PGM3: variants seen among roughly 807,000 people sequenced by gnomAD.
The protein encoded by PGM3 is phosphoacetylglucosamine mutase.
A neutral mutation model predicts 66.2 loss-of-function variants in PGM3; 40 were observed. The observed-to-expected ratio is 0.60, with a 90% CI of 0.47 to 0.79. The LOEUF (loss-of-function observed/expected upper bound fraction) is 0.79, where lower values mean the gene tolerates loss of function less well. Among genes scored for constraint, PGM3 ranks in the 30% least tolerant of loss-of-function variants. The pLI, the probability that PGM3 is intolerant of heterozygous loss-of-function variation, is 0.00. For synonymous variants in PGM3, 191 were observed against 224.2 expected, an observed-to-expected ratio of 0.85 and a Z score of 1.32; for missense variants, 537 against 643.4, an observed-to-expected ratio of 0.83 and a Z score of 1.79.
At position 83,179,802 on chromosome 6, in the gene PGM3, C is replaced by G; in HGVS notation, c.945+8G>C. The G allele has an allele frequency of 4.4e-6, 7 of 1,604,358 alleles. No homozygotes were observed. Among genetic ancestry groups the G allele is most frequent in the Admixed American group, 1.7e-5 (1 of 59,012 alleles). ...TGTTTTAGAGGGTAGCCAATCCCCCCACCATACCTCCACCAGGAGCTCTTT... is the reference window on the plus strand; with the variant it reads ...TGTTTTAGAGGGTAGCCAATCCCCCGACCATACCTCCACCAGGAGCTCTTT... On this transcript the variant is annotated splice_region_variant and intron_variant, in intron 7 of 12. Coordinates refer to ENST00000513973, the MANE Select transcript of PGM3 (RefSeq NM_015599.3).
At chr6:83,162,733 A>G (rs958419946), downstream of PGM3, 6 of 1,542,944 alleles carry the variant, frequency 3.9e-6, no homozygotes, top group Non-Finnish European at 5.2e-6. Context: ...ATGTGGCCTA[A>G]TCTTAGATGG....
At chr6:83,180,671 C>T (rs145194071) in intron 6 of PGM3, among the ~76,000 whole-genome samples, 183 of 152,228 alleles carry the variant, frequency 1.2e-3, no homozygotes, top group Non-Finnish European at 2.0e-3. Context: ...ATACTGTAGT[C>T]CCAAAGCCTA....
chr6:83,152,399 A>G, the PGM3 span: 1 of 1,005,932 alleles, frequency 9.9e-7, no homozygotes, highest in Non-Finnish European at 1.4e-6. Flanking sequence ...ATGAACTCTC[A>G]AGTAGACTGT....
chr6:83,157,374 G>A, downstream of PGM3: 1 of 1,553,796 alleles, frequency 6.4e-7, no homozygotes, highest in Non-Finnish European at 8.9e-7. Flanking sequence ...ACAGTGATTA[G>A]TTTCCATGTG....
At chr6:83,151,692 T>A in the PGM3 span, 1 of 1,567,570 alleles carries the variant, frequency 6.4e-7, no homozygotes. Context: ...GCCAAAACTG[T>A]TTCTCAGTGC....
chr6:83,155,461 C>A, the PGM3 span, among the ~76,000 whole-genome samples: 1 of 151,964 alleles, frequency 6.6e-6, no homozygotes, highest in Non-Finnish European at 1.5e-5. Context: ...GATACCATCT[C>A]AAAGAAAAAT....
intron 8 of PGM3, among the ~76,000 whole-genome samples, chr6:83,177,672 C>G (rs923453411): frequency 2.6e-5 from 4 of 152,168 alleles, no homozygotes; most frequent in Non-Finnish European, 5.9e-5. Context: ...CCTGACTAGG[C>G]CTTGTCCTTA....
At chr6:83,163,018 A>G, downstream of PGM3, 1 of 1,360,582 alleles carries the variant, frequency 7.3e-7, no homozygotes, top group South Asian at 1.7e-5. Flanking sequence ...AACGTTATCA[A>G]GTTGAGCTAT....
intron 6 of PGM3, among the ~76,000 whole-genome samples, chr6:83,180,963 TAAAGA>T (rs1307616732): frequency 6.6e-6 from 1 of 152,174 alleles, no homozygotes; most frequent in African/African-American, 2.4e-5. Context: ...CTGATTTTGG[TAAAGA>T]GATGCTAGAG....
At chr6:83,179,388 G>A (rs1260061772) in intron 7 of PGM3, among the ~76,000 whole-genome samples, 2 of 151,136 alleles carry the variant, frequency 1.3e-5, no homozygotes, top group Admixed American at 6.6e-5. Flanking sequence ...ATTACATTGT[G>A]TACTTAAAGC....
chr6:83,179,913 C>T lies in PGM3; in HGVS notation c.842G>A (p.Arg281Lys), dbSNP rs1788052636. 3.1e-6 allele frequency: 5 copies of T among 1,611,996 alleles called. No individual in the cohort carries two copies. In the Admixed American group the frequency reaches 5.0e-5, roughly 16 times the overall value. ...RCCSFDGDADRIVYYYHDADG... is the reference protein window; with the variant it reads ...RCCSFDGDADKIVYYYHDADG... ...TGCATCATGGTAGTAATAAACAATT[C>T]TGTCTGCATCTCCATCAAAAGAACA... Residue 281 changes from arginine (R) to lysine (K), a missense_variant, in exon 7 of 13, where the codon AGA (arginine) becomes AAA (lysine). Arg to Lys is a conservative substitution (Grantham distance 26). Transcript: ENST00000513973.
chr6:83,187,989 G>A (rs1278231680), intron 3 of PGM3, among the ~76,000 whole-genome samples: 2 of 151,870 alleles, frequency 1.3e-5, no homozygotes, highest in African/African-American at 2.4e-5. Flanking sequence ...TACAACAGAG[G>A]GTAAAAAAAC....
intron 10 of PGM3, 29 bp downstream of exon 10, chr6:83,174,345 C>T: frequency 1.8e-6 from 2 of 1,135,232 alleles, no homozygotes; most frequent in African/African-American, 1.5e-5. Context: ...TAAAGGTAAC[C>T]AAGAGTCCAC....
intron 3 of PGM3, among the ~76,000 whole-genome samples, chr6:83,187,798 G>A (rs780366231): frequency 2.0e-5 from 3 of 151,788 alleles, no homozygotes; most frequent in Non-Finnish European, 4.4e-5. Flanking sequence ...GCGAGACTCC[G>A]TATCAAAAAA....
At position 83,185,567 on chromosome 6, in the gene PGM3, G is replaced by A. The variant is rs140235056; in HGVS notation, c.457+1441C>T. ...TCACGAGGTCAGGAGATTGAGACCA[G>A]TCTGGCCAACATGATGAAACGCCAT... On this transcript the variant is annotated intron_variant, in intron 4 of 12. Transcript: ENST00000513973. Among the ~76,000 whole-genome samples the A allele has an allele frequency of 8.0e-3, 1,211 of 152,222 alleles. 8 individuals carry two copies. The highest frequency in any genetic ancestry group is 0.028 in the African/African-American group (1,171 of 41,516).
At chr6:83,164,550 T>G (rs868824736), downstream of PGM3, 3 of 1,039,832 alleles carry the variant, frequency 2.9e-6, no homozygotes, top group Non-Finnish European at 4.4e-6. Context: ...AAGAAAACTA[T>G]TTTGATTGAA....
downstream of PGM3, among the ~76,000 whole-genome samples, chr6:83,160,974 C>CATAT (rs144188690): frequency 2.0e-5 from 3 of 149,620 alleles, no homozygotes; most frequent in East Asian, 2.0e-4. Context: ...ACTTGAAAAC[C>CATAT]ATATATATAT....
chr6:83,159,329 A>G (rs765604487), downstream of PGM3, among the ~76,000 whole-genome samples: 1 of 152,106 alleles, frequency 6.6e-6, no homozygotes, highest in Non-Finnish European at 1.5e-5. Context: ...GCTGGAATGC[A>G]GTGGTGTGAT....
At chr6:83,155,820 G>A in the PGM3 span, 29 of 1,042,394 alleles carry the variant, frequency 2.8e-5, 1 homozygote, top group Non-Finnish European at 3.9e-5. Context: ...GCCCCAGAGA[G>A]GGGCATCAAG....
Sources: gnomAD v4.1 joint callset for allele counts (sites outside exome capture counted in the v4.1 genomes callset) on GRCh38, gnomAD v4.1.1 for gene constraint, MANE v1.5 for transcripts, NCBI Gene and HGNC (gene_info 2026-07-23, HGNC 2026-07-21) for gene names.